CPNE8: variants seen among roughly 807,000 people sequenced by gnomAD.
The protein encoded by CPNE8 is copine-8.
A neutral mutation model predicts 81.5 loss-of-function variants in CPNE8; 45 were observed. The ratio of observed to expected loss-of-function variants is 0.55; its 90% CI spans 0.44 to 0.71. The LOEUF (loss-of-function observed/expected upper bound fraction) is 0.71. CPNE8 is among the 30% of genes least tolerant of loss of function. The pLI, the probability that CPNE8 is intolerant of heterozygous loss-of-function variation, is 0.00. For synonymous variants in CPNE8, 252 were observed against 226.3 expected (o/e 1.11, Z -1.02); for missense variants, 594 against 672.1 (o/e 0.88, Z 1.28).
intron 16 of CPNE8, among the ~76,000 whole-genome samples, chr12:38,683,529 T>G (rs1358305040): frequency 2.0e-5 from 3 of 152,050 alleles, no homozygotes; most frequent in Non-Finnish European, 2.9e-5. Context: ...GAGAAAAAAA[T>G]AGTACCTCGT....
intron 19 of CPNE8, among the ~76,000 whole-genome samples, chr12:38,660,698 T>A (rs1011975941): frequency 2.0e-5 from 3 of 151,788 alleles, no homozygotes; most frequent in Non-Finnish European, 4.4e-5. Flanking sequence ...TGGGAGAAAA[T>A]TTTTGCAATC....
chr12:38,821,203 A>T (rs919526869), intron 6 of CPNE8, among the ~76,000 whole-genome samples: 1 of 152,196 alleles, frequency 6.6e-6, no homozygotes, highest in African/African-American at 2.4e-5. Context: ...ATCAATATGC[A>T]ATTATACTTA....
intron 3 of CPNE8, among the ~76,000 whole-genome samples, chr12:38,850,400 G>A (rs1252080025): frequency 6.6e-6 from 1 of 152,106 alleles, no homozygotes; most frequent in Non-Finnish European, 1.5e-5. Flanking sequence ...CAACTCCCCA[G>A]AGCCTATTAG....
Position 38,841,046 on chromosome 12 carries a change from A to C in CPNE8, c.291-1091T>G, listed in dbSNP as rs141648793. ...TCCTCTCTCACATAAGAATGTTCTC[A>C]CAAATAAAGAAAACATCTCAATCAT... On this transcript the variant is annotated intron_variant, in intron 4 of 19. Transcript: ENST00000331366. Among the ~76,000 whole-genome samples, 59 of 152,312 alleles carry C rather than the reference A, an allele frequency of 3.9e-4. 2 individuals are homozygous for C. The highest frequency in any genetic ancestry group is 4.7e-4 in the Non-Finnish European group (32 of 68,004).
At chr12:38,702,493 A>G (rs941217096) in intron 14 of CPNE8, among the ~76,000 whole-genome samples, 4 of 152,172 alleles carry the variant, frequency 2.6e-5, no homozygotes, top group Admixed American at 2.6e-4. Flanking sequence ...AAGTACTATA[A>G]AAATGAGGAT....
intron 15 of CPNE8, among the ~76,000 whole-genome samples, chr12:38,689,646 A>C (rs1175727353): frequency 3.3e-5 from 5 of 152,200 alleles, no homozygotes; most frequent in African/African-American, 1.2e-4. Flanking sequence ...ATAAATATTA[A>C]ATTGCATACA....
intron 5 of CPNE8, among the ~76,000 whole-genome samples, chr12:38,834,609 T>C (rs973774225): frequency 6.6e-6 from 1 of 152,188 alleles, no homozygotes; most frequent in African/African-American, 2.4e-5. Context: ...GCCTTATAAC[T>C]GACCTCCTTA....
Position 38,653,626 on chromosome 12 carries a change from AAAG to A in CPNE8, c.*253_*255del. On this transcript the variant is annotated 3_prime_UTR_variant, in exon 20 of 20. Coordinates refer to ENST00000331366, the MANE Select transcript of CPNE8 (RefSeq NM_153634.3). Reference sequence around the variant, plus strand: ...AATTAGCTGTTTCTGTTAAAAAAAAAAAGAAAGAAAGATTTAGAGAAGACATCC... The same window carrying A: ...AATTAGCTGTTTCTGTTAAAAAAAAAAAAGAAAGATTTAGAGAAGACATCC... 1 of 294,428 alleles carries A rather than the reference AAAG, an allele frequency of 3.4e-6. No homozygotes were observed. Among genetic ancestry groups the A allele is most frequent in the African/African-American group, 2.1e-5 (1 of 47,282 alleles). The allele number at this position is 294,428 out of a possible 1,614,324, so 18.2% of individuals were successfully genotyped here. A position where few individuals can be genotyped will look rare whatever the true frequency, so the allele number is the denominator to read the frequency against.
At chr12:38,789,475 G>C (rs570931626) in intron 6 of CPNE8, among the ~76,000 whole-genome samples, 3 of 151,722 alleles carry the variant, frequency 2.0e-5, no homozygotes, top group Admixed American at 1.3e-4. Flanking sequence ...TTAAACAAAA[G>C]TCCTCAAATT....
rs533359798 is a variant in CPNE8, at chr12:38,904,762, A to G, written c.98+675T>C. 8.4e-4 allele frequency among the ~76,000 whole-genome samples: 128 copies of G among 152,270 alleles called. No homozygotes were observed. The Middle Eastern group carries it at 0.017, about 20-fold the overall frequency. ...GAATACAGGCGTATAAACTGTACTG[A>G]GCCACTGCGCCCGGCCGAGAGTCAG... is the stretch of plus-strand genomic sequence containing the variant. On this transcript the variant is annotated intron_variant, in intron 1 of 19. Transcript: ENST00000331366.
At position 38,675,690 on chromosome 12, in the gene CPNE8, G is replaced by A. The variant is rs760058276; in HGVS notation, c.1432+27C>T. ...ACATTAGATTAAATGAACTCCCAAGGAATATTATTGAAATTTTACTACTCA... is the reference window on the plus strand; with the variant it reads ...ACATTAGATTAAATGAACTCCCAAGAAATATTATTGAAATTTTACTACTCA... On this transcript the variant is annotated intron_variant, in intron 18 of 19. Transcript: ENST00000331366. The A allele has an allele frequency of 1.6e-5, 22 of 1,398,732 alleles. No individual in the cohort carries two copies. The South Asian group carries it at 2.6e-4, about 16-fold the overall frequency. 86.6% of individuals were successfully genotyped at this position (1,398,732 alleles called of 1,614,324 possible). A position where few individuals can be genotyped will look rare whatever the true frequency, so the allele number is the denominator to read the frequency against.
At position 38,798,148 on chromosome 12, in the gene CPNE8, T is replaced by G. The variant is rs575428976; in HGVS notation, c.408-21847A>C. Among the ~76,000 whole-genome samples, 17 of 152,188 alleles carry G rather than the reference T, an allele frequency of 1.1e-4. 1 individual carries two copies. In the South Asian group the frequency reaches 3.3e-3, roughly 30 times the overall value. Reference sequence around the variant, plus strand: ...CTGCAAGACATTATCCAGGAGAACTTCCCCAATCTAGCAAGGCAGGCCAAC... The same window carrying G: ...CTGCAAGACATTATCCAGGAGAACTGCCCCAATCTAGCAAGGCAGGCCAAC... On this transcript the variant is annotated intron_variant, in intron 6 of 19. Transcript: ENST00000331366.
intron 6 of CPNE8, among the ~76,000 whole-genome samples, chr12:38,819,008 A>G (rs1158725421): frequency 3.3e-5 from 5 of 152,142 alleles, no homozygotes; most frequent in Non-Finnish European, 7.3e-5. Context: ...AATTTGTTTA[A>G]ATTCCTTAAA....
chr12:38,738,817 T>TC (rs1244933557), intron 10 of CPNE8, among the ~76,000 whole-genome samples: 1,699 of 119,180 alleles, frequency 0.014, 43 homozygotes, highest in African/African-American at 0.036. Flanking sequence ...TTTTTTTTTT[T>TC]TCTTTTTTTT....
At chr12:38,674,681 A>G (rs1460142291) in intron 18 of CPNE8, among the ~76,000 whole-genome samples, 2 of 152,204 alleles carry the variant, frequency 1.3e-5, no homozygotes, top group African/African-American at 4.8e-5. Context: ...CATGCTAGAA[A>G]GGATGACCAG....
chr12:38,754,092 C>G, intron 10 of CPNE8, among the ~76,000 whole-genome samples: 1 of 152,176 alleles, frequency 6.6e-6, no homozygotes, highest in East Asian at 1.9e-4. Context: ...AAATGACTTT[C>G]AATGTACAAG....
At chr12:38,723,869 T>C (rs899899985) in intron 12 of CPNE8, 36 bp from the exon 13 acceptor site, 3 of 1,225,242 alleles carry the variant, frequency 2.4e-6, no homozygotes, top group Non-Finnish European at 3.6e-6. Context: ...CTTCTAGTTG[T>C]TTGTGACCCC....
chr12:38,686,417 A>C (rs1939536164), intron 15 of CPNE8, among the ~76,000 whole-genome samples: 1 of 152,194 alleles, frequency 6.6e-6, no homozygotes, highest in Admixed American at 6.5e-5. Flanking sequence ...CTGAACACCT[A>C]GGCTGGCTTT....
At chr12:38,768,363 AT>A (rs1941732528) in intron 7 of CPNE8, among the ~76,000 whole-genome samples, 1 of 152,170 alleles carries the variant, frequency 6.6e-6, no homozygotes, top group African/African-American at 2.4e-5. Context: ...ATTTAAACCA[AT>A]TTATGTACTC....
Sources: allele counts gnomAD v4.1 joint callset (sites outside exome capture counted in the v4.1 genomes callset), GRCh38; gene constraint gnomAD v4.1.1; transcripts MANE v1.5; gene names NCBI Gene and HGNC (gene_info 2026-07-23, HGNC 2026-07-21).